Variants in CELF2 observed in about 807,000 individuals in gnomAD.
CELF2 encodes the protein CUG triplet repeat RNA-binding protein 2.
A neutral mutation model predicts 62.6 loss-of-function variants in CELF2; 8 were observed. The observed-to-expected ratio is 0.13, with a 90% CI of 0.07 to 0.23. The LOEUF is 0.23. Among genes scored for constraint, CELF2 ranks in the 10% least tolerant of loss-of-function variants. The pLI is 1.00. For missense variants in CELF2, 333 were observed against 671.0 expected (o/e 0.50, Z 5.56); for synonymous variants, 258 against 250.0 (o/e 1.03, Z -0.30).
intron 1 of CELF2, among the ~76,000 whole-genome samples, chr10:11,084,716 G>C: frequency 1.3e-5 from 2 of 151,950 alleles, no homozygotes; most frequent in East Asian, 3.9e-4. Flanking sequence ...GATTTTACCT[G>C]ATAATTAGTA....
the CELF2 span, among the ~76,000 whole-genome samples, chr10:10,632,107 C>T: frequency 1.3e-5 from 2 of 152,182 alleles, no homozygotes; most frequent in Admixed American, 6.6e-5. Flanking sequence ...CCTCCTCTTC[C>T]ACTTTGTTTT....
the CELF2 span, among the ~76,000 whole-genome samples, chr10:10,736,396 C>CTTTCTTTCTTTCTTTCTTTCTT: frequency 7.9e-5 from 6 of 75,992 alleles, no homozygotes; most frequent in African/African-American, 2.5e-4. Context: ...TTCTTTCTTT[C>CTTTCTTTCTTTCTTTCTTTCTT]TTTTTTTTTT....
intron 1 of CELF2, among the ~76,000 whole-genome samples, chr10:10,863,290 A>G (rs191039591): frequency 6.6e-6 from 1 of 152,338 alleles, no homozygotes; most frequent in African/African-American, 2.4e-5. Flanking sequence ...TATCATTAAA[A>G]TTATACAATG....
intron 1 of CELF2, among the ~76,000 whole-genome samples, chr10:10,888,485 G>A (rs2061913949): frequency 1.3e-5 from 2 of 152,160 alleles, no homozygotes; most frequent in African/African-American, 4.8e-5. Context: ...CAGTGAATTT[G>A]GATCTTTCTG....
intron 7 of CELF2, among the ~76,000 whole-genome samples, chr10:11,271,073 C>T (rs1232309164): frequency 1.3e-5 from 2 of 152,206 alleles, no homozygotes; most frequent in African/African-American, 4.8e-5. Context: ...CTTTGAAAGG[C>T]ACCCCAAGGC....
chr10:10,678,939 A>G, the CELF2 span, among the ~76,000 whole-genome samples: 2 of 152,312 alleles, frequency 1.3e-5, no homozygotes, highest in South Asian at 4.1e-4. Context: ...AAACAGTAGA[A>G]CAGAATTTCT....
the CELF2 span, among the ~76,000 whole-genome samples, chr10:10,718,270 C>T: frequency 2.6e-5 from 4 of 152,116 alleles, no homozygotes; most frequent in Admixed American, 2.6e-4. Context: ...ACCAAAAACG[C>T]TTCCATTCTG....
At position 11,159,838 on chromosome 10, in the gene CELF2, T is replaced by C. The variant is rs2065295049; in HGVS notation, c.75-5648T>C. On this transcript the variant is annotated intron_variant, in intron 1 of 12. Transcript: ENST00000633077. This position sits in a 1 kb window ranked among gnomAD's most constrained non-coding sequence, Gnocchi z 5.0. ...GCTATTACTTAAGTACAAGTGATAT[T>C]TAAAAATGATTCCTGAGCCCTTTGA... is the stretch of plus-strand genomic sequence containing the variant. Among the ~76,000 whole-genome samples, 1 of 152,234 alleles carries C rather than the reference T, an allele frequency of 6.6e-6. No homozygotes were observed. Among genetic ancestry groups the C allele is most frequent in the Non-Finnish European group, 1.5e-5 (1 of 68,032 alleles).
intron 1 of CELF2, among the ~76,000 whole-genome samples, chr10:11,050,856 G>A (rs1004289828): frequency 6.6e-6 from 1 of 152,172 alleles, no homozygotes; most frequent in Non-Finnish European, 1.5e-5. Context: ...CTTGAGCACA[G>A]GCCCTCTCCT....
chr10:10,824,823 A>G (rs1332050090), intron 1 of CELF2, among the ~76,000 whole-genome samples: 1 of 152,190 alleles, frequency 6.6e-6, no homozygotes, highest in Non-Finnish European at 1.5e-5. Context: ...GAAGCTTTCA[A>G]TTCTCATGGA....
chr10:10,825,303 A>G lies in CELF2; in HGVS notation c.53+26486A>G, dbSNP rs555263282. On this transcript the variant is annotated intron_variant, in intron 1 of 13. Transcript: ENST00000636488. Reference sequence around the variant, plus strand: ...CGACTCACTGCAAGCTCCGCCTCCCAGGTTCACACCATTCTCCTGCCTCAG... The same window carrying G: ...CGACTCACTGCAAGCTCCGCCTCCCGGGTTCACACCATTCTCCTGCCTCAG... Among the ~76,000 whole-genome samples the G allele has an allele frequency of 2.5e-3, 374 of 152,208 alleles. 6 individuals carry two copies. Among genetic ancestry groups the G allele is most frequent in the African/African-American group, 7.2e-4 (30 of 41,546 alleles).
In CELF2 at chr10:10,938,533, C is replaced by T. The variant is rs2046669374; in HGVS notation, c.89+18534C>T. 6.6e-6 allele frequency among the ~76,000 whole-genome samples: 1 copy of T among 152,214 alleles called. No individual in the cohort carries two copies. The highest frequency in any genetic ancestry group is 6.5e-5 in the Admixed American group (1 of 15,288). ...ACCATTGCAAACATGTCAGGCAACTCAAGTTTAGAAGATTCTCAACTTGAA... is the reference window on the plus strand; with the variant it reads ...ACCATTGCAAACATGTCAGGCAACTTAAGTTTAGAAGATTCTCAACTTGAA... On this transcript the variant is annotated intron_variant, in intron 2 of 13. Transcript: ENST00000636488. This position sits in a 1 kb window ranked among gnomAD's most constrained non-coding sequence, Gnocchi z 4.2.
At chr10:11,166,783 C>T (rs1565041354) in intron 2 of CELF2, among the ~76,000 whole-genome samples, 1 of 152,236 alleles carries the variant, frequency 6.6e-6, no homozygotes, top group Non-Finnish European at 1.5e-5. Context: ...TTCTCTAACC[C>T]TTTTCCTTAC....
At chr10:10,833,744 A>C (rs1485627214) in intron 1 of CELF2, among the ~76,000 whole-genome samples, 2 of 152,230 alleles carry the variant, frequency 1.3e-5, no homozygotes, top group African/African-American at 2.4e-5. Flanking sequence ...GAGAAATGCA[A>C]ATCAAAATCA....
chr10:10,849,672 A>G (rs2132741743), intron 1 of CELF2, among the ~76,000 whole-genome samples: 1 of 152,274 alleles, frequency 6.6e-6, no homozygotes, highest in Non-Finnish European at 1.5e-5. Flanking sequence ...TTAACATGTT[A>G]TGGTATTATG....
chr10:11,188,035 A>T (rs1003141675), intron 2 of CELF2, among the ~76,000 whole-genome samples: 1 of 152,086 alleles, frequency 6.6e-6, no homozygotes, highest in African/African-American at 2.4e-5. Context: ...TCTGGTGGTA[A>T]ATCCTTTCAC....
the CELF2 span, among the ~76,000 whole-genome samples, chr10:10,470,631 C>T: frequency 4.0e-5 from 6 of 151,758 alleles, no homozygotes; most frequent in South Asian, 1.3e-3. Context: ...CTTCAAAGTT[C>T]CCTTCTTCAT....
the CELF2 span, among the ~76,000 whole-genome samples, chr10:10,659,441 A>G: frequency 1.3e-5 from 2 of 152,180 alleles, no homozygotes; most frequent in East Asian, 1.9e-4. Flanking sequence ...GCAATTACCT[A>G]TTCTGTCAAA....
chr10:10,661,509 G>C, the CELF2 span, among the ~76,000 whole-genome samples: 26 of 152,166 alleles, frequency 1.7e-4, no homozygotes, highest in Non-Finnish European at 2.9e-4. Context: ...TATGTCCAAG[G>C]CCTTTTGAGT....
Sources: gnomAD v4.1 joint callset for allele counts (sites outside exome capture counted in the v4.1 genomes callset) on GRCh38, gnomAD v4.1.1 for gene constraint, Gnocchi (gnomAD v3.1) non-coding constraint, MANE v1.5 for transcripts, NCBI Gene and HGNC (gene_info 2026-07-23, HGNC 2026-07-21) for gene names.